POLRMT: variants seen among roughly 807,000 people sequenced by gnomAD.
The protein encoded by POLRMT is RNA polymerase mitochondrial.
POLRMT carries 114 observed loss-of-function variants against 132.2 expected under a neutral mutation model. The ratio of observed to expected loss-of-function variants is 0.86; its 90% CI spans 0.74 to 1.01. The LOEUF (loss-of-function observed/expected upper bound fraction) is 1.01. Ranked by LOEUF, POLRMT falls within the 50% of genes least tolerant of loss-of-function variation. The pLI, the probability that POLRMT is intolerant of heterozygous loss-of-function variation, is 0.00. For synonymous variants in POLRMT, 1,020 were observed against 773.4 expected (o/e 1.32, Z -5.29); for missense variants, 2,003 against 1,729.1 (o/e 1.16, Z -2.81).
At chr19:626,125 T>C (rs1331672073) in intron 3 of POLRMT, among the ~76,000 whole-genome samples, 1 of 152,094 alleles carries the variant, frequency 6.6e-6, no homozygotes, top group Non-Finnish European at 1.5e-5. Flanking sequence ...TTTTCGAACT[T>C]CATAGTTTAC....
At chr19:622,416 G>C in intron 8 of POLRMT, 43 bp from the exon 9 acceptor site, 2 of 1,503,698 alleles carry the variant, frequency 1.3e-6, no homozygotes, top group South Asian at 1.3e-5. Context: ...CGGGGCCCCT[G>C]AGCTAGATGC....
In POLRMT at chr19:617,833, C is replaced by G. The variant is rs151178174; in HGVS notation, c.3439G>C (p.Val1147Leu). 1.9e-5 allele frequency: 31 copies of G among 1,613,120 alleles called. No individual in the cohort carries two copies. Among genetic ancestry groups the G allele is most frequent in the Non-Finnish European group, 2.3e-5 (27 of 1,179,916 alleles). The change falls in exon 18 of 21, where the codon GTC becomes CTC. Residue 1147 changes from valine (V) to leucine (L), a missense_variant. Physicochemically the swap from Val to Leu is conservative, Grantham distance 32. Coordinates refer to ENST00000588649, the MANE Select transcript of POLRMT (RefSeq NM_005035.4). ...LHCYRKGLTF[V>L]SVHDCYWTHA... Reference sequence around the variant, plus strand: ...GTCCAGTAACAGTCGTGCACAGAGACGAAGGTCAGGCCCTTCCTGTGGCAG... The same window carrying G: ...GTCCAGTAACAGTCGTGCACAGAGAGGAAGGTCAGGCCCTTCCTGTGGCAG...
Position 618,731 on chromosome 19 carries a change from G to A in POLRMT, c.3297C>T (p.Thr1099=), listed in dbSNP as rs368580409. Reference sequence around the variant, plus strand: ...GGCTGATGTCTCCGTTGTGGGTGTAGGTGATGCTCTGAATTCCACCTCCTA... The same window carrying A: ...GGCTGATGTCTCCGTTGTGGGTGTAAGTGATGCTCTGAATTCCACCTCCTA... The part of the protein sequence containing the change: ...KQIGGGIQSI[T]YTHNGDISRK... The change falls in exon 16 of 21, where the codon ACC becomes ACT. Residue 1099 remains threonine, a synonymous_variant. Transcript: ENST00000588649. 15 of 1,607,192 alleles carry A rather than the reference G, an allele frequency of 9.3e-6. No homozygotes were observed. The highest frequency in any genetic ancestry group is 6.7e-5 in the Admixed American group (4 of 59,268).
intron 3 of POLRMT, among the ~76,000 whole-genome samples, chr19:629,286 G>C (rs1017599840): frequency 2.6e-5 from 4 of 151,990 alleles, no homozygotes; most frequent in Admixed American, 2.0e-4. Flanking sequence ...CCCCTGCCCA[G>C]ACAGATTCAC....
In POLRMT at chr19:629,749, C is replaced by A; in HGVS notation, c.613G>T (p.Asp205Tyr). The change falls in exon 3 of 21, where the codon GAT (aspartate) becomes TAT (tyrosine). Residue 205 changes from aspartate (D) to tyrosine (Y), a missense_variant. Transcript: ENST00000588649. Reference protein sequence around the residue: ...LQEAPGKLSLDVEQAPSGQHS... With the variant: ...LQEAPGKLSLYVEQAPSGQHS... ...TGCCCCGACGGGGCCTGCTCCACAT[C>A]GAGGCTCAGCTTCCCAGGGGCCTCC... 1 of 1,570,282 alleles carries A rather than the reference C, an allele frequency of 6.4e-7. No homozygotes were observed. Among genetic ancestry groups the A allele is most frequent in the Non-Finnish European group, 8.6e-7 (1 of 1,159,732 alleles).
rs754865900 is a variant in POLRMT, at chr19:618,476, G to A, written c.3422+12C>T. 1.8e-5 allele frequency: 29 copies of A among 1,584,808 alleles called. No individual in the cohort carries two copies. The highest frequency in any genetic ancestry group is 6.7e-5 in the South Asian group (6 of 89,102). ...GAGGCGAGCGGCACCCACGCCGTCC[G>A]GAGACGCCCACCTGTAGCAGTGCAG... is the stretch of plus-strand genomic sequence containing the variant. On this transcript the variant is annotated intron_variant, in intron 17 of 20. Transcript: ENST00000588649.
At chr19:620,122 C>T (rs1292851088) in intron 11 of POLRMT, 42 bp from the exon 12 acceptor site, 1 of 1,532,374 alleles carries the variant, frequency 6.5e-7, no homozygotes. Flanking sequence ...GCTAGAGAGG[C>T]AGAGACGTGT....
chr19:629,157 A>C (rs1168017769), intron 3 of POLRMT, among the ~76,000 whole-genome samples: 2 of 152,194 alleles, frequency 1.3e-5, no homozygotes, highest in African/African-American at 2.4e-5. Flanking sequence ...GAAGGATCTC[A>C]GCACAGCAGC....
Position 630,102 on chromosome 19 carries a change from T to C in POLRMT, c.260A>G (p.Asp87Gly), listed in dbSNP as rs1401928508. ...SVSEVVVNRV[D>G]VARLPECGSG... ...GCCACATTCTGGGAGCCGCGCCACA[T>C]CCACCCTGTTCACCACCACCTCCGA... The change falls in exon 3 of 21, where the codon GAT becomes GGT. Residue 87 changes from aspartate to glycine, a missense_variant. Asp to Gly is a moderately conservative substitution (Grantham distance 94). Coordinates refer to ENST00000588649, the MANE Select transcript of POLRMT (RefSeq NM_005035.4). The C allele has an allele frequency of 1.2e-6, 2 of 1,613,256 alleles. No homozygotes were observed.
At chr19:622,798 C>G in intron 7 of POLRMT, 23 bp downstream of exon 7, 2 of 1,573,182 alleles carry the variant, frequency 1.3e-6, no homozygotes, top group Non-Finnish European at 1.7e-6. Flanking sequence ...CCCGGGGACC[C>G]GGCCGCGCGG....
chr19:620,242 C>A (rs1195063758), intron 11 of POLRMT, 123 bp downstream of exon 11: 2 of 1,453,938 alleles, frequency 1.4e-6, no homozygotes, highest in Admixed American at 4.8e-5. Context: ...GCCATGGCTC[C>A]CGCACACTCT....
rs762591427 is a variant in POLRMT, at chr19:617,757, G to A, written c.3495+20C>T. 6.2e-7 allele frequency: 1 copy of A among 1,612,884 alleles called. No homozygotes were observed. The highest frequency in any genetic ancestry group is 1.1e-5 in the South Asian group (1 of 91,064). ...GGGGCCCCACCCATGGGTGGACTGA[G>A]GCTCAGACTACGGGGGCACCTGGTT... On this transcript the variant is annotated intron_variant, in intron 18 of 20. Transcript: ENST00000588649.
At chr19:632,732 G>A (rs1314620218) in intron 2 of POLRMT, 102 bp downstream of exon 2, 3 of 1,014,954 alleles carry the variant, frequency 3.0e-6, no homozygotes, top group Non-Finnish European at 4.2e-6. Context: ...CCGAGAGGTG[G>A]AGACCGCCCT....
rs767186851 is a variant in POLRMT, at chr19:617,596, T to C, written c.3555A>G (p.Arg1185=). 5.0e-6 allele frequency: 8 copies of C among 1,612,138 alleles called. No homozygotes were observed. Among genetic ancestry groups the C allele is most frequent in the Non-Finnish European group, 5.1e-6 (6 of 1,179,978 alleles). Residue 1185 remains arginine (R), a synonymous_variant, in exon 19 of 21, where the codon AGA becomes AGG. Coordinates refer to ENST00000588649, the MANE Select transcript of POLRMT (RefSeq NM_005035.4). Reference sequence around the variant, plus strand: ...CAGAGCAGAACCGCTTGACCAGGAATCTGGACAGGTCCTGCAGGATGGGCT... The same window carrying C: ...CAGAGCAGAACCGCTTGACCAGGAACCTGGACAGGTCCTGCAGGATGGGCT... ...HSEPILQDLS[R]FLVKRFCSEP...
rs200387483 is a variant in POLRMT at position 619,030 on chromosome 19, G to A, written c.3234C>T (p.Val1078=). ...VEWVTPLGVP[V]IQPYRLDSKV... The stretch of plus-strand genomic sequence containing the variant: ...TGGAGTCCAGGCGATAGGGCTGGAT[G>A]ACGGGGACGCCCAGGGGTGTGACCC... The change falls in exon 15 of 21, where the codon GTC becomes GTT. Residue 1078 remains valine (V), a synonymous_variant. Coordinates refer to ENST00000588649, the MANE Select transcript of POLRMT (RefSeq NM_005035.4). The A allele has an allele frequency of 1.3e-5, 21 of 1,599,302 alleles. No homozygotes were observed. The highest frequency in any genetic ancestry group is 1.1e-4 in the East Asian group (5 of 44,668).
Position 629,847 on chromosome 19 carries a change from G to A in POLRMT, c.515C>T (p.Ala172Val). Reference sequence around the variant, plus strand: ...GCGCGTGCAGTCCTCCAGGCACCCGGCCATCTGCTTGCTCAGGAGCCGGGG... The same window carrying A: ...GCGCGTGCAGTCCTCCAGGCACCCGACCATCTGCTTGCTCAGGAGCCGGGG... ...VEPRLLSKQM[A>V]GCLEDCTRQA... Residue 172 changes from alanine to valine, a missense_variant, in exon 3 of 21, where the codon GCC becomes GTC. Ala to Val is a moderately conservative substitution (Grantham distance 64). Coordinates refer to ENST00000588649, the MANE Select transcript of POLRMT (RefSeq NM_005035.4). 6.2e-7 allele frequency: 1 copy of A among 1,605,668 alleles called. No individual in the cohort carries two copies.
chr19:618,301 G>A (rs1390742665), intron 17 of POLRMT, 187 bp downstream of exon 17: 9 of 584,746 alleles, frequency 1.5e-5, no homozygotes, highest in Non-Finnish European at 2.7e-5. Context: ...CACAGGAGGG[G>A]AGCTGCCAGG....
intron 2 of POLRMT, among the ~76,000 whole-genome samples, chr19:630,707 A>C (rs1479902889): frequency 1.3e-5 from 2 of 152,006 alleles, no homozygotes; most frequent in African/African-American, 4.8e-5. Context: ...TGGAGCTGCC[A>C]CACACACACT....
rs1262181866 is a variant in POLRMT at position 630,056 on chromosome 19, C to T, written c.306G>A (p.Gln102=). The change falls in exon 3 of 21, where the codon CAG becomes CAA. Residue 102 remains glutamine (Q), a synonymous_variant. Transcript: ENST00000588649. ...CCCCCATCTGGACCTTCCTGGGTGGCTGGAGGCTACCATCTCCACTGCCAC... is the reference window on the plus strand; with the variant it reads ...CCCCCATCTGGACCTTCCTGGGTGGTTGGAGGCTACCATCTCCACTGCCAC... ...PECGSGDGSL[Q]PPRKVQMGAK... 3.1e-6 allele frequency: 5 copies of T among 1,613,716 alleles called. No homozygotes were observed. The highest frequency in any genetic ancestry group is 4.2e-6 in the Non-Finnish European group (5 of 1,180,012).
Sources: allele counts gnomAD v4.1 joint callset (sites outside exome capture counted in the v4.1 genomes callset), GRCh38; gene constraint gnomAD v4.1.1; transcripts MANE v1.5; gene names NCBI Gene and HGNC (gene_info 2026-07-23, HGNC 2026-07-21).